The following SOX5 variants were observed in gnomAD, a reference collection of about 807,000 sequenced individuals.
SOX5 encodes the protein SRY-box transcription factor 5.
Under a neutral mutation model 92.0 loss-of-function variants are expected in SOX5, and 9 were observed. The ratio of observed to expected loss-of-function variants is 0.10; its 90% CI spans 0.06 to 0.17. The LOEUF (loss-of-function observed/expected upper bound fraction) is 0.17. Ranked by LOEUF, SOX5 falls within the 10% of genes least tolerant of loss-of-function variation. SOX5 has a pLI of 1.00. For missense variants in SOX5, 642 were observed against 944.5 expected (o/e 0.68, Z 4.20); for synonymous variants, 344 against 336.3 (o/e 1.02, Z -0.25).
At position 23,575,729 on chromosome 12, in the gene SOX5, C is replaced by A. The variant is rs1290980858; in HGVS notation, c.1274G>T (p.Gly425Val). 6.2e-7 allele frequency: 1 copy of A among 1,614,068 alleles called. No homozygotes were observed. Among genetic ancestry groups the A allele is most frequent in the Non-Finnish European group, 8.5e-7 (1 of 1,179,958 alleles). ...PHMPALRINSGAGPLKASVPA... is the reference protein window; with the variant it reads ...PHMPALRINSVAGPLKASVPA... ...GACAGAGGCTTTGAGGGGGCCTGCC[C>A]CACTGTTTATTCTCAGAGCTGGCAT... Residue 425 changes from glycine (G) to valine (V), a missense_variant, in exon 10 of 15, where the codon GGG (glycine) becomes GTG (valine). Physicochemically the swap from Gly to Val is moderately radical, Grantham distance 109. This residue lies in a region of SOX5 where 324 missense variants were observed against 461.6 expected (regional missense o/e 0.70). Transcript: ENST00000451604.
chr12:24,277,951 C>A (rs185438402), intron 2 of SOX5, among the ~76,000 whole-genome samples: 21 of 152,218 alleles, frequency 1.4e-4, no homozygotes, highest in African/African-American at 4.8e-4. Context: ...AGTGCTCTTG[C>A]CACTATCATG....
Position 23,845,993 on chromosome 12 carries a change from G to A in SOX5, c.471C>T (p.Asn157=), listed in dbSNP as rs149450279. 1.9e-4 allele frequency: 310 copies of A among 1,613,652 alleles called. No homozygotes were observed. The highest frequency in any genetic ancestry group is 2.5e-4 in the Non-Finnish European group (299 of 1,179,604). ...TCTTCCAGCCTTTACCTTCCGGCTC[G>A]TTTTTGATGAGCTCTTCCATTTTCC... The part of the protein sequence containing the change: ...KQRKMEELIK[N]EPEETPSIEK... The change falls in exon 3 of 15, where the codon AAC becomes AAT. Residue 157 remains asparagine, a synonymous_variant. Coordinates refer to ENST00000451604, the MANE Select transcript of SOX5 (RefSeq NM_006940.6).
chr12:24,109,551 C>T (rs1232485939), intron 4 of SOX5, among the ~76,000 whole-genome samples: 1 of 152,050 alleles, frequency 6.6e-6, no homozygotes, highest in Non-Finnish European at 1.5e-5. Context: ...AAGTGAGAAA[C>T]AAGTAACAAA....
At chr12:23,656,727 C>T (rs1374867457) in intron 7 of SOX5, among the ~76,000 whole-genome samples, 1 of 151,598 alleles carries the variant, frequency 6.6e-6, no homozygotes, top group Non-Finnish European at 1.5e-5. Flanking sequence ...AATACACAGG[C>T]TATTTTGCTA....
At chr12:24,485,138 G>A (rs1209964109) in intron 1 of SOX5, among the ~76,000 whole-genome samples, 1 of 152,116 alleles carries the variant, frequency 6.6e-6, no homozygotes, top group African/African-American at 2.4e-5. Flanking sequence ...GGAAACACAA[G>A]TTATTCAACA....
At chr12:24,229,165 G>A (rs1962807687) in intron 3 of SOX5, among the ~76,000 whole-genome samples, 1 of 152,214 alleles carries the variant, frequency 6.6e-6, no homozygotes, top group Non-Finnish European at 1.5e-5. Flanking sequence ...ACCAGCATCA[G>A]GCACCGCCGA....
chr12:23,728,614 C>T (rs531651695), intron 6 of SOX5, among the ~76,000 whole-genome samples: 8 of 152,264 alleles, frequency 5.3e-5, no homozygotes, highest in Admixed American at 3.9e-4. Flanking sequence ...GCTCAGAGAA[C>T]TTTGGTGCCA....
At chr12:23,957,351 T>G (rs1946398345) in intron 4 of SOX5, among the ~76,000 whole-genome samples, 1 of 152,186 alleles carries the variant, frequency 6.6e-6, no homozygotes, top group South Asian at 2.1e-4. Flanking sequence ...CTGAAAAAAT[T>G]TCGTGCCTGA....
At chr12:23,747,150 A>C (rs1593978405) in intron 4 of SOX5, among the ~76,000 whole-genome samples, 2 of 151,994 alleles carry the variant, frequency 1.3e-5, no homozygotes, top group African/African-American at 4.8e-5. Flanking sequence ...CCAGGTGTTC[A>C]TTTTTTGTCT....
intron 4 of SOX5, among the ~76,000 whole-genome samples, chr12:24,130,444 C>T (rs1290142529): frequency 6.6e-6 from 1 of 151,090 alleles, no homozygotes; most frequent in African/African-American, 2.4e-5. Flanking sequence ...GTGTGGATCT[C>T]ACATAAATCT....
At chr12:24,516,022 A>G (rs1454250377) in intron 1 of SOX5, among the ~76,000 whole-genome samples, 1 of 149,426 alleles carries the variant, frequency 6.7e-6, no homozygotes, top group Non-Finnish European at 1.5e-5. Flanking sequence ...TTTCTTGGCT[A>G]TGGCAATTTT....
At chr12:24,132,578 T>G (rs1475444425) in intron 4 of SOX5, among the ~76,000 whole-genome samples, 1 of 152,098 alleles carries the variant, frequency 6.6e-6, no homozygotes, top group Non-Finnish European at 1.5e-5. Flanking sequence ...AAATACAGTA[T>G]CCGTATACTT....
chr12:23,677,349 G>A (rs776133948), intron 6 of SOX5, among the ~76,000 whole-genome samples: 5 of 151,858 alleles, frequency 3.3e-5, no homozygotes, highest in Admixed American at 6.6e-5. Context: ...AAAAACAAAC[G>A]TTGATTACTC....
chr12:24,509,723 TG>T (rs1286942972), intron 1 of SOX5, among the ~76,000 whole-genome samples: 1 of 152,202 alleles, frequency 6.6e-6, no homozygotes, highest in Non-Finnish European at 1.5e-5. Flanking sequence ...GGCCTTCACT[TG>T]TATTTGTGTT....
At chr12:24,330,805 T>C (rs1595656357) in intron 2 of SOX5, among the ~76,000 whole-genome samples, 1 of 152,294 alleles carries the variant, frequency 6.6e-6, no homozygotes, top group East Asian at 1.9e-4. Flanking sequence ...AGTTATCGCC[T>C]CTGAAATTCC....
At chr12:23,795,699 T>C (rs2095550473) in intron 3 of SOX5, among the ~76,000 whole-genome samples, 1 of 152,136 alleles carries the variant, frequency 6.6e-6, no homozygotes, top group Admixed American at 6.6e-5. Flanking sequence ...CAACAGAGCC[T>C]TTGCTGTGTA....
chr12:24,110,261 T>A (rs1300252919), intron 4 of SOX5, among the ~76,000 whole-genome samples: 1 of 152,194 alleles, frequency 6.6e-6, no homozygotes, highest in Admixed American at 6.5e-5. Flanking sequence ...ACCCTCGCTC[T>A]AAAGAAACCT....
At chr12:23,583,376 C>T (rs998635589) in intron 9 of SOX5, among the ~76,000 whole-genome samples, 18 of 152,064 alleles carry the variant, frequency 1.2e-4, no homozygotes, top group African/African-American at 4.3e-4. Context: ...AAAACCCACT[C>T]ATAGAAATTC....
intron 1 of SOX5, among the ~76,000 whole-genome samples, chr12:24,400,424 G>A (rs554003332): frequency 7.2e-5 from 11 of 152,284 alleles, no homozygotes; most frequent in African/African-American, 2.6e-4. Flanking sequence ...GAGGGCGGGG[G>A]AAGAATTTCG....
Sources: gnomAD v4.1 joint callset for allele counts (sites outside exome capture counted in the v4.1 genomes callset) on GRCh38, gnomAD v4.1.1 for gene constraint, gnomAD v4.1.1 regional missense constraint, MANE v1.5 for transcripts, NCBI Gene and HGNC (gene_info 2026-07-23, HGNC 2026-07-21) for gene names.